MAMDC2: variants seen among roughly 807,000 people sequenced by gnomAD.
MAMDC2 encodes MAM domain containing 2.
Under a neutral mutation model 89.8 loss-of-function variants are expected in MAMDC2, and 57 were observed. The observed-to-expected ratio is 0.63, with a 90% CI of 0.51 to 0.79. The LOEUF is 0.79. Among genes scored for constraint, MAMDC2 ranks in the 30% least tolerant of loss-of-function variants. The pLI, the probability that MAMDC2 is intolerant of heterozygous loss-of-function variation, is 0.00. For synonymous variants in MAMDC2, 313 were observed against 293.4 expected (o/e 1.07, Z -0.68); for missense variants, 800 against 820.6 (o/e 0.97, Z 0.31).
chr9:70,107,457 G>C (rs1828372446), intron 2 of MAMDC2, among the ~76,000 whole-genome samples: 1 of 152,152 alleles, frequency 6.6e-6, no homozygotes, highest in Non-Finnish European at 1.5e-5. Context: ...GAAAGGAGAA[G>C]TGAGGATAGA....
intron 11 of MAMDC2, among the ~76,000 whole-genome samples, chr9:70,191,390 A>G (rs1454513665): frequency 6.6e-6 from 1 of 152,098 alleles, no homozygotes; most frequent in Non-Finnish European, 1.5e-5. Flanking sequence ...TGCTCATATT[A>G]TTGAATTATT....
chr9:70,091,380 A>G (rs1041649787), intron 2 of MAMDC2, among the ~76,000 whole-genome samples: 30 of 152,180 alleles, frequency 2.0e-4, no homozygotes, highest in Admixed American at 1.4e-3. Context: ...CAGGGAGAGA[A>G]GGCAGGAGCC....
At chr9:70,168,897 T>C (rs1260395571) in intron 10 of MAMDC2, 102 bp downstream of exon 10, 2 of 992,722 alleles carry the variant, frequency 2.0e-6, no homozygotes, top group Admixed American at 2.2e-5. Flanking sequence ...GTCCATCCTT[T>C]GCTTTTGTTG....
intron 11 of MAMDC2, among the ~76,000 whole-genome samples, chr9:70,182,795 A>C (rs537050961): frequency 6.6e-5 from 10 of 152,102 alleles, no homozygotes; most frequent in Non-Finnish European, 1.5e-4. Context: ...TCTTTTTAAA[A>C]AACCAGCTCC....
intron 11 of MAMDC2, among the ~76,000 whole-genome samples, chr9:70,183,672 CT>C (rs1159188158): frequency 2.0e-5 from 3 of 151,076 alleles, no homozygotes; most frequent in Admixed American, 1.3e-4. Flanking sequence ...GCAACCCTTG[CT>C]TTTTTTTTCT....
intron 2 of MAMDC2, among the ~76,000 whole-genome samples, chr9:70,076,212 G>C (rs905733183): frequency 3.9e-5 from 6 of 152,150 alleles, no homozygotes; most frequent in Admixed American, 3.9e-4. Flanking sequence ...CACGAGGTCA[G>C]GAGTTCAAGA....
intron 9 of MAMDC2, among the ~76,000 whole-genome samples, chr9:70,165,093 C>T (rs11141936): frequency 0.12 from 17,573 of 151,972 alleles, 1,094 homozygotes; most frequent in African/African-American, 0.15. Flanking sequence ...ATAAACACTG[C>T]TTTTAAGAAA....
chr9:70,125,141 T>G (rs2030469448), intron 5 of MAMDC2, among the ~76,000 whole-genome samples: 1 of 152,246 alleles, frequency 6.6e-6, no homozygotes, highest in South Asian at 2.1e-4. Flanking sequence ...ATCACTCAAA[T>G]GAATTCAGAA....
In MAMDC2 at chr9:70,080,072, C is replaced by T. The variant is rs376520726; in HGVS notation, c.149-28139C>T. Among the ~76,000 whole-genome samples the T allele has an allele frequency of 1.8e-4, 27 of 152,206 alleles. No homozygotes were observed. In the South Asian group the frequency reaches 4.6e-3, roughly 26 times the overall value. On this transcript the variant is annotated intron_variant, in intron 2 of 13. Coordinates refer to ENST00000377182, the MANE Select transcript of MAMDC2 (RefSeq NM_153267.5). ...GTATTTTCTCCATCTCCTGTTTTTG[C>T]TTTAATACACTATTGGTTATTTTAA...
In MAMDC2 at chr9:70,205,996, T is replaced by G. The variant is rs188167114; in HGVS notation, c.1652-12341T>G. On this transcript the variant is annotated intron_variant, in intron 11 of 13. Transcript: ENST00000377182. ...TGCAAGTCAAGAAGAAAAAAATACT[T>G]GTCATCAAAACGAATGACTGGTTTG... Among the ~76,000 whole-genome samples, 34 of 152,188 alleles carry G rather than the reference T, an allele frequency of 2.2e-4. 1 individual carries two copies. In the East Asian group the frequency reaches 5.6e-3, roughly 25 times the overall value.
intron 2 of MAMDC2, among the ~76,000 whole-genome samples, chr9:70,052,026 G>A (rs1431013250): frequency 1.3e-5 from 2 of 152,098 alleles, no homozygotes; most frequent in Non-Finnish European, 2.9e-5. Flanking sequence ...GCTATATCCA[G>A]GTCTTACTCC....
intron 5 of MAMDC2, among the ~76,000 whole-genome samples, chr9:70,123,224 T>C (rs1219275992): frequency 6.6e-6 from 1 of 152,218 alleles, no homozygotes; most frequent in African/African-American, 2.4e-5. Flanking sequence ...AATGAAGACT[T>C]CATCTCTGTC....
At chr9:70,217,833 TTTAA>T (rs1281590945) in intron 11 of MAMDC2, among the ~76,000 whole-genome samples, 2 of 152,270 alleles carry the variant, frequency 1.3e-5, no homozygotes, top group Admixed American at 6.5e-5. Flanking sequence ...CATTATGTTA[TTTAA>T]TTCTCACAAT....
chr9:70,106,240 G>C (rs1008986125), intron 2 of MAMDC2, among the ~76,000 whole-genome samples: 1 of 152,152 alleles, frequency 6.6e-6, no homozygotes, highest in Non-Finnish European at 1.5e-5. Context: ...GAGAAAAGGG[G>C]AGGCTGGGGA....
intron 2 of MAMDC2, among the ~76,000 whole-genome samples, chr9:70,050,391 G>A (rs574212156): frequency 3.3e-5 from 5 of 152,262 alleles, no homozygotes; most frequent in African/African-American, 7.2e-5. Context: ...CATGAAGAAC[G>A]GCTTAAGCCT....
intron 2 of MAMDC2, among the ~76,000 whole-genome samples, chr9:70,067,877 C>G (rs1193224876): frequency 2.0e-5 from 3 of 152,220 alleles, no homozygotes; most frequent in African/African-American, 7.2e-5. Context: ...ATCAGAGAAG[C>G]AGACCTCAGT....
chr9:70,206,487 G>A (rs2033225379), intron 11 of MAMDC2, among the ~76,000 whole-genome samples: 1 of 152,058 alleles, frequency 6.6e-6, no homozygotes, highest in South Asian at 2.1e-4. Flanking sequence ...TATCCTGAAG[G>A]ATATTTACAA....
chr9:70,218,414 G>A lies in MAMDC2; in HGVS notation c.1729G>A (p.Val577Ile), dbSNP rs774118696. The A allele has an allele frequency of 1.9e-6, 3 of 1,614,102 alleles. No homozygotes were observed. In the South Asian group the frequency reaches 3.3e-5, roughly 18 times the overall value. ...ARLLSRPLRG[V>I]SGKHCLTFFY... is the part of the protein sequence containing the mutation. ...CCTCTTGTCCAGGCCTCTGCGAGGAGTCTCTGGAAAACACTGCTTGACCTT... is the reference window on the plus strand; with the variant it reads ...CCTCTTGTCCAGGCCTCTGCGAGGAATCTCTGGAAAACACTGCTTGACCTT... The change falls in exon 12 of 14, where the codon GTC (valine) becomes ATC (isoleucine). Residue 577 changes from valine to isoleucine, a missense_variant. By Grantham distance (29) the Val-to-Ile change is conservative. Transcript: ENST00000377182.
chr9:70,149,207 CAAAA>C (rs3071388), intron 9 of MAMDC2, among the ~76,000 whole-genome samples: 22 of 109,680 alleles, frequency 2.0e-4, no homozygotes, highest in Non-Finnish European at 2.0e-4. Context: ...GACCCCATCT[CAAAA>C]AAAAAAAAAA....
Sources: gnomAD v4.1 joint callset for allele counts (sites outside exome capture counted in the v4.1 genomes callset) on GRCh38, gnomAD v4.1.1 for gene constraint, MANE v1.5 for transcripts, NCBI Gene and HGNC (gene_info 2026-07-23, HGNC 2026-07-21) for gene names.